Variants in NDUFV2 observed in about 807,000 individuals in gnomAD.
NDUFV2 encodes NADH dehydrogenase [ubiquinone] flavoprotein 2, mitochondrial.
Under a neutral mutation model 31.6 loss-of-function variants are expected in NDUFV2, and 18 were observed. That is an observed-to-expected ratio of 0.57 (90% CI 0.39 to 0.84). The LOEUF is 0.84. NDUFV2 is among the 40% of genes least tolerant of loss of function. The pLI, the probability that NDUFV2 is intolerant of heterozygous loss-of-function variation, is 0.00. For synonymous variants in NDUFV2, 83 were observed against 99.8 expected (o/e 0.83, Z 1.01); for missense variants, 314 against 303.6 (o/e 1.03, Z -0.26).
intron 7 of NDUFV2, among the ~76,000 whole-genome samples, chr18:9,128,978 C>T (rs543688229): frequency 7.4e-4 from 112 of 152,322 alleles, no homozygotes; most frequent in African/African-American, 2.6e-3. Context: ...TGCTCTGTCA[C>T]TTAGGCTATA....
intron 4 of NDUFV2, among the ~76,000 whole-genome samples, chr18:9,120,845 G>T (rs2077929958): frequency 6.6e-6 from 1 of 152,080 alleles, no homozygotes; most frequent in Non-Finnish European, 1.5e-5. Flanking sequence ...TAATTATAAT[G>T]TTATTATTTT....
chr18:9,108,996 A>AT (rs201421848), intron 1 of NDUFV2, among the ~76,000 whole-genome samples: 2,253 of 152,056 alleles, frequency 0.015, 62 homozygotes, highest in African/African-American at 0.051. Context: ...AGCCTCAAGG[A>AT]TTTTTTTTAA....
intron 1 of NDUFV2, chr18:9,103,036 G>C: frequency 2.0e-6 from 1 of 491,850 alleles, no homozygotes; most frequent in South Asian, 3.3e-5. Flanking sequence ...CAGAAAAGAG[G>C]GGCTGCTTGG....
chr18:9,116,903 G>A (rs906277681), intron 1 of NDUFV2, among the ~76,000 whole-genome samples: 7 of 152,102 alleles, frequency 4.6e-5, no homozygotes, highest in Admixed American at 4.6e-4. Context: ...TGGGGGCGGG[G>A]GACAGGGTAG....
chr18:9,124,838 T>C (rs1336551535), intron 5 of NDUFV2, 36 bp from the exon 6 acceptor site: 1 of 1,572,338 alleles, frequency 6.4e-7, no homozygotes, highest in African/African-American at 1.4e-5. Context: ...TATTAAAATA[T>C]AACCTGGTCC....
rs746994984 is a variant in NDUFV2 at position 9,126,837 on chromosome 18, T to C, written c.586T>C (p.Leu196=). The C allele has an allele frequency of 6.2e-7, 1 of 1,613,110 alleles. No individual in the cohort carries two copies. The highest frequency in any genetic ancestry group is 8.5e-7 in the Non-Finnish European group (1 of 1,179,306). ...TTGTTAATTTTTTTTCCAGGAGGAT[T>C]TGACAGCTAAGGATATTGAAGAAAT... is the stretch of plus-strand genomic sequence containing the variant. The part of the protein sequence containing the change: ...VQINDNYYED[L]TAKDIEEIID... Residue 196 remains leucine, a synonymous_variant, in exon 7 of 8, where the codon TTG becomes CTG. Coordinates refer to ENST00000318388, the MANE Select transcript of NDUFV2 (RefSeq NM_021074.5).
chr18:9,126,615 T>G, intron 6 of NDUFV2: 7 of 513,864 alleles, frequency 1.4e-5, no homozygotes, highest in Non-Finnish European at 2.5e-5. Context: ...TCACTGGCAT[T>G]AGGGATTTAC....
At position 9,103,153 on chromosome 18, in the gene NDUFV2, C is replaced by T. The variant is rs115606626; in HGVS notation, c.54+356C>T. 2,069 of 401,254 alleles carry T rather than the reference C, an allele frequency of 5.2e-3. 28 individuals carry two copies. The highest frequency in any genetic ancestry group is 0.039 in the African/African-American group (1,905 of 48,766). The allele number at this position is 401,254 out of a possible 1,614,324, so 24.9% of individuals were successfully genotyped here. A position where few individuals can be genotyped will look rare whatever the true frequency, so the allele number is the denominator to read the frequency against. ...GAAGACCGTCGCTCCGAAGGAGGCA[C>T]CTCTCGTTTCAAGCCTAGTGACCTC... On this transcript the variant is annotated intron_variant, in intron 1 of 7. Transcript: ENST00000318388.
At chr18:9,104,797 TTTAA>T in intron 1 of NDUFV2, 1 of 833,746 alleles carries the variant, frequency 1.2e-6, no homozygotes, top group Middle Eastern at 3.9e-4. Context: ...GATGAATAAG[TTTAA>T]TTTTTATTAC....
intron 6 of NDUFV2, among the ~76,000 whole-genome samples, chr18:9,125,572 T>C (rs2077982833): frequency 6.6e-6 from 1 of 152,010 alleles, no homozygotes; most frequent in Non-Finnish European, 1.5e-5. Context: ...TTGATTTCTT[T>C]GACCTGTAAG....
At position 9,102,821 on chromosome 18, in the gene NDUFV2, G is replaced by C. The variant is rs1440096650; in HGVS notation, c.54+24G>C. On this transcript the variant is annotated intron_variant, in intron 1 of 7. Transcript: ENST00000318388. ...GGGTAAGGAGGCTCAAGCTGAGCCC[G>C]GCGCTGCCGCCGCCCTTCTCTTGCT... The C allele has an allele frequency of 4.5e-6, 7 of 1,545,258 alleles. No homozygotes were observed. The South Asian group carries it at 8.4e-5, about 19-fold the overall frequency.
rs148032289 is a variant in NDUFV2 at position 9,134,265 on chromosome 18, C to T, written c.736C>T (p.Gln246Ter). The T allele has an allele frequency of 1.9e-6, 3 of 1,611,266 alleles. No homozygotes were observed. The African/African-American group carries it at 4.0e-5, about 21-fold the overall frequency. The change falls in exon 8 of 8, where the codon CAA (glutamine) becomes TAA (stop). Residue 246 changes from glutamine (Q) to a stop codon, truncating the protein, a stop_gained. Transcript: ENST00000318388. LOFTEE classifies it high-confidence loss of function. ...EPPKGPGFGV[Q>*]AGL ...ACCCAAGGGACCTGGATTTGGTGTA[C>T]AAGCAGGCCTTTAATTTATATTGAA...
chr18:9,125,118 G>C (rs1322271297), intron 6 of NDUFV2, 135 bp downstream of exon 6: 1 of 971,782 alleles, frequency 1.0e-6, no homozygotes, highest in Non-Finnish European at 1.5e-6. Context: ...AAATATCCAG[G>C]TTTTAAAAAA....
At chr18:9,131,866 T>G (rs191280833) in intron 7 of NDUFV2, among the ~76,000 whole-genome samples, 7 of 152,304 alleles carry the variant, frequency 4.6e-5, no homozygotes, top group Middle Eastern at 6.8e-3. Flanking sequence ...AAAACACTAG[T>G]GTAAATTGTG....
At chr18:9,132,935 T>G (rs2078052886) in intron 7 of NDUFV2, among the ~76,000 whole-genome samples, 1 of 152,198 alleles carries the variant, frequency 6.6e-6, no homozygotes, top group Non-Finnish European at 1.5e-5. Flanking sequence ...TTTTTAAAGT[T>G]AAGTATCATT....
intron 7 of NDUFV2, among the ~76,000 whole-genome samples, chr18:9,131,151 A>G (rs1437680741): frequency 6.6e-6 from 1 of 152,246 alleles, no homozygotes; most frequent in African/African-American, 2.4e-5. Context: ...AAATGTTATT[A>G]AAATCATAAT....
chr18:9,113,588 AAAG>A (rs376854172), intron 1 of NDUFV2, among the ~76,000 whole-genome samples: 138 of 152,340 alleles, frequency 9.1e-4, no homozygotes, highest in South Asian at 3.3e-3. Context: ...GCCTCCAAAA[AAAG>A]AAGAAGTAAA....
chr18:9,104,885 C>A, intron 1 of NDUFV2: 2 of 1,465,752 alleles, frequency 1.4e-6, no homozygotes, highest in South Asian at 1.4e-5. Flanking sequence ...AAAAATCATC[C>A]ATTGTCTTGT....
chr18:9,133,668 G>A lies in NDUFV2; in HGVS notation c.657-518G>A, dbSNP rs934730068. 2.0e-5 allele frequency among the ~76,000 whole-genome samples: 3 copies of A among 152,126 alleles called. No homozygotes were observed. In the South Asian group the frequency reaches 6.2e-4, roughly 31 times the overall value. Reference sequence around the variant, plus strand: ...TTCTATTTCCAAATACAATGTATAAGTGTGTGTATTCCCTCTATTCACTGT... The same window carrying A: ...TTCTATTTCCAAATACAATGTATAAATGTGTGTATTCCCTCTATTCACTGT... On this transcript the variant is annotated intron_variant, in intron 7 of 7. Coordinates refer to ENST00000318388, the MANE Select transcript of NDUFV2 (RefSeq NM_021074.5).
Sources: allele counts gnomAD v4.1 joint callset (sites outside exome capture counted in the v4.1 genomes callset), GRCh38; gene constraint gnomAD v4.1.1; transcripts MANE v1.5; gene names NCBI Gene and HGNC (gene_info 2026-07-23, HGNC 2026-07-21).